The following ACTN2 variants were observed in gnomAD, a reference collection of about 807,000 sequenced individuals.
ACTN2 encodes the protein actinin alpha 2.
In ACTN2, 39 loss-of-function variants were observed where a neutral mutation model predicts 113.8. That is an observed-to-expected ratio of 0.34 (90% CI 0.27 to 0.45). ACTN2 has a LOEUF of 0.45. ACTN2 is among the 20% of genes least tolerant of loss of function. The pLI is 1.00. For synonymous variants in ACTN2, 429 were observed against 444.1 expected (o/e 0.97, Z 0.43); for missense variants, 992 against 1,177.9 (o/e 0.84, Z 2.31).
Position 236,742,918 on chromosome 1 carries a change from G to A in ACTN2, c.1130G>A (p.Arg377Lys), listed in dbSNP as rs1325419598. 1.2e-6 allele frequency: 2 copies of A among 1,614,218 alleles called. No individual in the cohort carries two copies. The highest frequency in any genetic ancestry group is 1.3e-5 in the African/African-American group (1 of 75,050). The change falls in exon 11 of 21, where the codon AGG becomes AAG. Residue 377 changes from arginine (R) to lysine (K), a missense_variant. Arg to Lys is a conservative substitution (Grantham distance 26, BLOSUM62 2). Coordinates refer to ENST00000366578, the MANE Select transcript of ACTN2 (RefSeq NM_001103.4). ...CAGGATATTGCTGGTGCCTGGCAGA[G>A]GCTGGAGCAGGCTGAGAAGGGTTAC... ...MVSDIAGAWQRLEQAEKGYEE... is the reference protein window; with the variant it reads ...MVSDIAGAWQKLEQAEKGYEE...
At chr1:236,746,165 C>CAAAAAAA (rs55953102) in intron 12 of ACTN2, among the ~76,000 whole-genome samples, 7 of 80,408 alleles carry the variant, frequency 8.7e-5, no homozygotes, top group South Asian at 4.3e-4. Context: ...GACTCCATCT[C>CAAAAAAA]AAAAAAAAAA....
At chr1:236,762,374 C>T (rs768078159) in intron 20 of ACTN2, 87 bp from the exon 21 acceptor site, 95 of 1,558,212 alleles carry the variant, frequency 6.1e-5, no homozygotes, top group Non-Finnish European at 8.3e-5. Flanking sequence ...AAAAATTAAA[C>T]AGATGCAAGA....
At chr1:236,728,308 T>C (rs1658617605) in intron 6 of ACTN2, among the ~76,000 whole-genome samples, 1 of 152,050 alleles carries the variant, frequency 6.6e-6, no homozygotes, top group Admixed American at 6.5e-5. Flanking sequence ...CACGCCTGGA[T>C]AATTTTTTGT....
chr1:236,733,789 C>G (rs1354513799), intron 7 of ACTN2, among the ~76,000 whole-genome samples: 1 of 152,170 alleles, frequency 6.6e-6, no homozygotes, highest in Non-Finnish European at 1.5e-5. Context: ...AAATCCTTGC[C>G]TTCCCGTCTG....
intron 10 of ACTN2, among the ~76,000 whole-genome samples, chr1:236,739,950 G>A (rs1046963054): frequency 6.6e-6 from 1 of 151,900 alleles, no homozygotes; most frequent in African/African-American, 2.4e-5. Flanking sequence ...CCTCTCCACC[G>A]AATCATGCAC....
At chr1:236,733,976 C>T (rs1231665117) in intron 7 of ACTN2, among the ~76,000 whole-genome samples, 3 of 152,180 alleles carry the variant, frequency 2.0e-5, no homozygotes, top group Non-Finnish European at 4.4e-5. Flanking sequence ...TTCTCTATTT[C>T]CCTCCACAAA....
intron 20 of ACTN2, among the ~76,000 whole-genome samples, chr1:236,762,068 T>G (rs1659723237): frequency 6.6e-6 from 1 of 152,194 alleles, no homozygotes; most frequent in South Asian, 2.1e-4. Flanking sequence ...TATTTGAGAT[T>G]TACTTATTTT....
rs78598549 is a variant in ACTN2 at position 236,758,983 on chromosome 1, T to C, written c.2302-741T>C. The stretch of plus-strand genomic sequence containing the variant: ...CATTACTTTGCATGGAGCCCTGTTA[T>C]GATTTGCAAATGTCCATCAGTCGTT... On this transcript the variant is annotated intron_variant, in intron 18 of 20. Transcript: ENST00000366578. 6.1e-3 allele frequency among the ~76,000 whole-genome samples: 933 copies of C among 152,348 alleles called. 10 individuals carry two copies. Among genetic ancestry groups the C allele is most frequent in the African/African-American group, 0.022 (902 of 41,578 alleles).
intron 11 of ACTN2, among the ~76,000 whole-genome samples, chr1:236,743,480 A>C (rs1290810703): frequency 6.6e-6 from 1 of 152,184 alleles, no homozygotes; most frequent in African/African-American, 2.4e-5. Flanking sequence ...GATATCATGT[A>C]TAATCTAACT....
rs1267133428 is a variant in ACTN2 at position 236,762,551 on chromosome 1, G to C, written c.2617G>C (p.Gly873Arg). ...GAGGATGCCCGCCTACTCGGGCCCA[G>C]GCAGTGTGCCTGGTGCACTGGATTA... ...IKRMPAYSGP[G>R]SVPGALDYAA... is the part of the protein sequence containing the mutation. The change falls in exon 21 of 21, where the codon GGC becomes CGC. Residue 873 changes from glycine to arginine, a missense_variant. Around this residue, in one of 3 missense-constraint regions of ACTN2, gnomAD observed 736 missense variants for 815.4 expected, o/e 0.90. Coordinates refer to ENST00000366578, the MANE Select transcript of ACTN2 (RefSeq NM_001103.4). The C allele has an allele frequency of 2.5e-6, 4 of 1,614,188 alleles. No homozygotes were observed. The highest frequency in any genetic ancestry group is 3.4e-6 in the Non-Finnish European group (4 of 1,180,034).
intron 5 of ACTN2, among the ~76,000 whole-genome samples, chr1:236,726,664 A>T (rs1658558686): frequency 6.6e-6 from 1 of 152,230 alleles, no homozygotes; most frequent in African/African-American, 2.4e-5. Flanking sequence ...GGCCACTGAG[A>T]TAATCAGAAA....
intron 10 of ACTN2, among the ~76,000 whole-genome samples, chr1:236,739,914 CCTCT>C (rs1005024203): frequency 6.6e-6 from 1 of 152,070 alleles, no homozygotes; most frequent in Non-Finnish European, 1.5e-5. Flanking sequence ...CATTTATCTC[CCTCT>C]CTTCCACATT....
intron 12 of ACTN2, among the ~76,000 whole-genome samples, chr1:236,745,632 G>A (rs548957982): frequency 2.0e-4 from 30 of 152,066 alleles, no homozygotes; most frequent in South Asian, 4.1e-4. Context: ...CTCAGTTCCC[G>A]CTCTGTGTAG....
intron 8 of ACTN2, among the ~76,000 whole-genome samples, chr1:236,736,041 G>A (rs1490404559): frequency 6.6e-6 from 1 of 152,226 alleles, no homozygotes; most frequent in Non-Finnish European, 1.5e-5. Flanking sequence ...GGTAAAGGGG[G>A]AATGTGGCAA....
At chr1:236,757,342 G>T (rs1659579030) in intron 17 of ACTN2, 144 bp from the exon 18 acceptor site, 5 of 1,062,466 alleles carry the variant, frequency 4.7e-6, no homozygotes, top group Non-Finnish European at 7.1e-6. Context: ...TGACAAAGTA[G>T]AATTTTTTTT....
intron 1 of ACTN2, among the ~76,000 whole-genome samples, chr1:236,695,212 CA>C (rs375917124): frequency 0.01 from 1,355 of 129,952 alleles, 18 homozygotes; most frequent in African/African-American, 0.028. Flanking sequence ...ACTAAAAATA[CA>C]AAAAAAAAAA....
At chr1:236,744,530 T>C (rs1659166901) in intron 11 of ACTN2, 96 bp from the exon 12 acceptor site, 1 of 1,455,208 alleles carries the variant, frequency 6.9e-7, no homozygotes, top group Non-Finnish European at 9.5e-7. Context: ...CTTCTCTTGG[T>C]TCTTTGGAAT....
intron 3 of ACTN2, 97 bp downstream of exon 3, chr1:236,719,110 C>A: frequency 1.3e-6 from 2 of 1,535,796 alleles, no homozygotes; most frequent in East Asian, 2.3e-5. Flanking sequence ...TCCCTTTCAC[C>A]ATTTACTGTA....
rs200464707 is a variant in ACTN2 at position 236,698,334 on chromosome 1, G to C, written c.126+11535G>C. On this transcript the variant is annotated intron_variant, in intron 1 of 20. Coordinates refer to ENST00000366578, the MANE Select transcript of ACTN2 (RefSeq NM_001103.4). ...ATTATTGTTCTCATTTAGATGTTTT[G>C]TTTTAAGGTTTTAAAACATATTGTA... Among the ~76,000 whole-genome samples, 12 of 151,754 alleles carry C rather than the reference G, an allele frequency of 7.9e-5. No individual in the cohort carries two copies. The East Asian group carries it at 2.3e-3, about 29-fold the overall frequency.
Sources: gnomAD v4.1 joint callset for allele counts (sites outside exome capture counted in the v4.1 genomes callset) on GRCh38, gnomAD v4.1.1 for gene constraint, gnomAD v4.1.1 regional missense constraint, MANE v1.5 for transcripts, NCBI Gene and HGNC (gene_info 2026-07-23, HGNC 2026-07-21) for gene names.